Variants in NEDD4L observed in about 807,000 individuals in gnomAD.
NEDD4L encodes NEDD4 like E3 ubiquitin protein ligase.
A neutral mutation model predicts 148.9 loss-of-function variants in NEDD4L; 54 were observed. The ratio of observed to expected loss-of-function variants is 0.36; its 90% CI spans 0.29 to 0.45. NEDD4L has a LOEUF of 0.45. Ranked by LOEUF, NEDD4L falls within the 20% of genes least tolerant of loss-of-function variation. NEDD4L has a pLI of 1.00. For missense variants in NEDD4L, 856 were observed against 1,233.8 expected (o/e 0.69, Z 4.59); for synonymous variants, 433 against 440.7 (o/e 0.98, Z 0.22).
chr18:58,249,083 A>G (rs1429169601), intron 4 of NEDD4L, 146 bp downstream of exon 4: 12 of 454,596 alleles, frequency 2.6e-5, no homozygotes, highest in Non-Finnish European at 4.7e-5. Context: ...ATGTGTCCCA[A>G]ATTTTGAAAG....
intron 1 of NEDD4L, among the ~76,000 whole-genome samples, chr18:58,119,023 C>G (rs766743938): frequency 2.6e-5 from 4 of 152,238 alleles, no homozygotes; most frequent in Non-Finnish European, 4.4e-5. Flanking sequence ...AGCCCTGTGG[C>G]TGTGCTTGCT....
chr18:58,231,200 G>A (rs1267761036), intron 2 of NEDD4L, among the ~76,000 whole-genome samples: 3 of 142,388 alleles, frequency 2.1e-5, no homozygotes, highest in Non-Finnish European at 4.5e-5. Flanking sequence ...CAGAGATTGT[G>A]CCACTGCAGC....
At chr18:58,267,261 C>G (rs1029472415) in intron 5 of NEDD4L, among the ~76,000 whole-genome samples, 2 of 151,960 alleles carry the variant, frequency 1.3e-5, no homozygotes, top group East Asian at 1.9e-4. Flanking sequence ...TCCGGTTGCC[C>G]CTTAACTTGG....
At chr18:58,207,716 A>G (rs965418565) in intron 2 of NEDD4L, among the ~76,000 whole-genome samples, 1 of 152,172 alleles carries the variant, frequency 6.6e-6, no homozygotes, top group African/African-American at 2.4e-5. Flanking sequence ...CACGAGTGTC[A>G]TCTGACATCT....
At chr18:58,290,186 T>C (rs896303757) in intron 5 of NEDD4L, among the ~76,000 whole-genome samples, 1 of 151,918 alleles carries the variant, frequency 6.6e-6, no homozygotes, top group Non-Finnish European at 1.5e-5. Flanking sequence ...ATTTATAGAA[T>C]GAATGAACAA....
chr18:58,050,125 T>C (rs1331449037), intron 1 of NEDD4L, among the ~76,000 whole-genome samples: 1 of 152,216 alleles, frequency 6.6e-6, no homozygotes, highest in Non-Finnish European at 1.5e-5. Flanking sequence ...TATTTCATTA[T>C]TGAACATCAG....
intron 1 of NEDD4L, among the ~76,000 whole-genome samples, chr18:58,087,039 A>T (rs1283704376): frequency 6.6e-6 from 1 of 152,210 alleles, no homozygotes; most frequent in East Asian, 1.9e-4. Flanking sequence ...CTTTTTAAAC[A>T]TTAGACTTCT....
chr18:58,323,448 G>A (rs1384151288), intron 8 of NEDD4L, 114 bp downstream of exon 8: 29 of 653,518 alleles, frequency 4.4e-5, no homozygotes, highest in Non-Finnish European at 7.7e-5. Flanking sequence ...ATAAAAAAAA[G>A]TACATATGTC....
intron 1 of NEDD4L, among the ~76,000 whole-genome samples, chr18:58,153,334 CTTTTTTT>C (rs58164854): frequency 7.8e-6 from 1 of 128,160 alleles, no homozygotes; most frequent in Non-Finnish European, 1.6e-5. Flanking sequence ...AAGAGATTGA[CTTTTTTT>C]TTTTTTTTTT....
chr18:58,381,266 A>G (rs1301823516), intron 24 of NEDD4L, among the ~76,000 whole-genome samples: 1 of 152,214 alleles, frequency 6.6e-6, no homozygotes. Context: ...GGGGAGAACC[A>G]GTTCTCTGCA....
chr18:58,113,245 G>T (rs1490000480), intron 1 of NEDD4L, among the ~76,000 whole-genome samples: 2 of 152,230 alleles, frequency 1.3e-5, no homozygotes, highest in Non-Finnish European at 2.9e-5. Context: ...TGAGTGATGA[G>T]TCTGAATTTC....
In NEDD4L at chr18:58,167,633, C is replaced by T. The variant is rs939293547; in HGVS notation, c.122+1772C>T. Among the ~76,000 whole-genome samples the T allele has an allele frequency of 5.3e-5, 8 of 152,108 alleles. No individual in the cohort carries two copies. In the South Asian group the frequency reaches 6.2e-4, roughly 12 times the overall value. On this transcript the variant is annotated intron_variant, in intron 2 of 30. Coordinates refer to ENST00000400345, the MANE Select transcript of NEDD4L (RefSeq NM_001144967.3). ...TTCCTAGTATTTCTTTCACTTGCCT[C>T]GATTGCTAGATTAGAAATTTACTGG...
intron 1 of NEDD4L, among the ~76,000 whole-genome samples, chr18:58,068,243 A>C (rs1445265208): frequency 7.5e-6 from 1 of 134,144 alleles, no homozygotes; most frequent in Non-Finnish European, 1.5e-5. Context: ...TCTGTTGCCC[A>C]GGCTGGAGTG....
chr18:58,357,394 CTCCTTACTGAAGTT>C, intron 19 of NEDD4L, 142 bp downstream of exon 19: 1 of 814,402 alleles, frequency 1.2e-6, no homozygotes, highest in Non-Finnish European at 2.2e-6. Context: ...TTGCTGCCAT[CTCCTTACTGAAGTT>C]TCCAGGTGAG....
At position 58,341,770 on chromosome 18, in the gene NEDD4L, A is replaced by G. The variant is rs1243516401; in HGVS notation, c.1350A>G (p.Pro450=). 5.6e-6 allele frequency: 9 copies of G among 1,613,682 alleles called. No individual in the cohort carries two copies. The highest frequency in any genetic ancestry group is 6.8e-6 in the Non-Finnish European group (8 of 1,179,812). ...GCCGGCCTCGTAGCCTCAGCTCGCC[A>G]ACAGTAACTTTATCTGCCCCGCTGG... ...QIRRPRSLSS[P]TVTLSAPLEG... is the part of the protein sequence containing the mutation. Residue 450 remains proline (P), a synonymous_variant, in exon 15 of 31, where the codon CCA becomes CCG. Transcript: ENST00000400345.
intron 5 of NEDD4L, among the ~76,000 whole-genome samples, chr18:58,277,655 G>C (rs1191222968): frequency 6.6e-6 from 1 of 152,124 alleles, no homozygotes; most frequent in African/African-American, 2.4e-5. Flanking sequence ...CTGGGGTTCT[G>C]CAGACATTGA....
At chr18:58,362,626 C>G (rs2145976087) in intron 19 of NEDD4L, among the ~76,000 whole-genome samples, 1 of 152,278 alleles carries the variant, frequency 6.6e-6, no homozygotes, top group African/African-American at 2.4e-5. Context: ...GCCTGTTGCT[C>G]TCAACAGCTT....
intron 2 of NEDD4L, among the ~76,000 whole-genome samples, chr18:58,214,801 T>TTCTTTC (rs138774457): frequency 0.012 from 213 of 17,348 alleles, no homozygotes; most frequent in Middle Eastern, 0.06. Flanking sequence ...CTTTCTTTCA[T>TTCTTTC]TTTTTTTTTT....
At chr18:58,338,690 T>C (rs1601436552) in intron 13 of NEDD4L, among the ~76,000 whole-genome samples, 1 of 151,874 alleles carries the variant, frequency 6.6e-6, no homozygotes, top group African/African-American at 2.4e-5. Flanking sequence ...CTGAAGCGGG[T>C]GGATCAATTG....
Sources: allele counts gnomAD v4.1 joint callset (sites outside exome capture counted in the v4.1 genomes callset), GRCh38; gene constraint gnomAD v4.1.1; transcripts MANE v1.5; gene names NCBI Gene and HGNC (gene_info 2026-07-23, HGNC 2026-07-21).